Variants in ADK observed in about 807,000 individuals in gnomAD.
ADK encodes the protein adenosine kinase, also known as N6,N6-dimethyladenosine kinase.
A neutral mutation model predicts 44.7 loss-of-function variants in ADK; 24 were observed. The observed-to-expected ratio is 0.54, with a 90% CI of 0.39 to 0.76. The LOEUF is 0.76. Among genes scored for constraint, ADK ranks in the 30% least tolerant of loss-of-function variants. The pLI is 0.00. For missense variants in ADK, 321 were observed against 425.1 expected, an observed-to-expected ratio of 0.76 and a Z score of 2.15; for synonymous variants, 128 against 142.6, an observed-to-expected ratio of 0.90 and a Z score of 0.73.
chr10:74,617,649 G>A (rs1852826556), intron 9 of ADK, among the ~76,000 whole-genome samples: 1 of 152,072 alleles, frequency 6.6e-6, no homozygotes, highest in African/African-American at 2.4e-5. Context: ...AGGCTGGAGT[G>A]CAGTGGTGCT....
Position 74,280,415 on chromosome 10 carries a change from AACAC to A in ADK, c.195-34223_195-34220del, listed in dbSNP as rs71021599. Among the ~76,000 whole-genome samples the A allele has an allele frequency of 3.2e-4, 46 of 144,432 alleles. 1 individual carries two copies. The highest frequency in any genetic ancestry group is 7.0e-3 in the Middle Eastern group (2 of 286). The allele number at this position is 144,432 out of a possible 152,430, so 94.8% of individuals were successfully genotyped here. A position where few individuals can be genotyped will look rare whatever the true frequency, so the allele number is the denominator to read the frequency against. ...CCGCGCCCGGCCTTAAACAAGTTTA[AACAC>A]ACACACACACACACACACACACACA... On this transcript the variant is annotated intron_variant, in intron 3 of 10. Coordinates refer to ENST00000539909, the MANE Select transcript of ADK (RefSeq NM_006721.4).
chr10:74,155,993 C>A (rs780265655), intron 1 of ADK, among the ~76,000 whole-genome samples: 9 of 152,114 alleles, frequency 5.9e-5, no homozygotes, highest in Non-Finnish European at 1.2e-4. Flanking sequence ...AGGCTTTGGG[C>A]TATGAAGGAA....
In ADK at chr10:74,568,788, T is replaced by A. The variant is rs983775671; in HGVS notation, c.727-20494T>A. On this transcript the variant is annotated intron_variant, in intron 7 of 10. Coordinates refer to ENST00000539909, the MANE Select transcript of ADK (RefSeq NM_006721.4). ...ACTTTTTATATTTTTATCTTTTTTT[T>A]ATTATACTTTAAGTTTTAGGGTACA... Among the ~76,000 whole-genome samples, 12 of 152,276 alleles carry A rather than the reference T, an allele frequency of 7.9e-5. No homozygotes were observed. The South Asian group carries it at 1.0e-3, about 13-fold the overall frequency.
chr10:74,690,640 TATA>T (rs1465903888), intron 10 of ADK, among the ~76,000 whole-genome samples: 1 of 152,232 alleles, frequency 6.6e-6, no homozygotes, highest in Admixed American at 6.5e-5. Context: ...TTTTCCTGCT[TATA>T]ATGTCTATCT....
chr10:74,668,403 C>T lies in ADK; in HGVS notation c.878-1780C>T, dbSNP rs75525516. ...CAATTAATCAAAATCTTGTCAACTG[C>T]CATATAGGCCCTCATGTTACAAAAT... On this transcript the variant is annotated intron_variant, in intron 9 of 10. Transcript: ENST00000539909. 7.4e-3 allele frequency among the ~76,000 whole-genome samples: 1,119 copies of T among 152,182 alleles called. 9 individuals carry two copies. Among genetic ancestry groups the T allele is most frequent in the Middle Eastern group, 0.027 (8 of 294 alleles).
chr10:74,263,157 A>G (rs1304369431), intron 3 of ADK, among the ~76,000 whole-genome samples: 2 of 152,206 alleles, frequency 1.3e-5, no homozygotes, highest in East Asian at 3.8e-4. Flanking sequence ...TGATTTCCAC[A>G]TATACTGCAC....
intron 3 of ADK, among the ~76,000 whole-genome samples, chr10:74,261,517 C>T (rs1203229966): frequency 6.6e-6 from 1 of 152,158 alleles, no homozygotes; most frequent in African/African-American, 2.4e-5. Context: ...TTGTTTTGCT[C>T]AAGCACATTC....
At chr10:74,634,600 T>C (rs183746707) in intron 9 of ADK, among the ~76,000 whole-genome samples, 1 of 152,092 alleles carries the variant, frequency 6.6e-6, no homozygotes, top group African/African-American at 2.4e-5. Context: ...AGGAGCAAAC[T>C]TGAATATAGG....
At chr10:74,491,896 T>C (rs1847505017) in intron 6 of ADK, among the ~76,000 whole-genome samples, 1 of 152,190 alleles carries the variant, frequency 6.6e-6, no homozygotes, top group Admixed American at 6.6e-5. Context: ...GAATCTCAGT[T>C]CTACTACTTT....
chr10:74,344,204 G>A (rs979827278), intron 4 of ADK, among the ~76,000 whole-genome samples: 3 of 152,060 alleles, frequency 2.0e-5, no homozygotes, highest in African/African-American at 7.2e-5. Flanking sequence ...ACATGAATTG[G>A]GAGATGTCTT....
intron 7 of ADK, among the ~76,000 whole-genome samples, chr10:74,557,377 GTCTA>G (rs995605062): frequency 1.3e-5 from 2 of 152,096 alleles, no homozygotes; most frequent in African/African-American, 4.8e-5. Flanking sequence ...ATACTTCTGT[GTCTA>G]TATAATTTGC....
chr10:74,643,552 T>G (rs1487614241), intron 9 of ADK, among the ~76,000 whole-genome samples: 1 of 152,232 alleles, frequency 6.6e-6, no homozygotes, highest in Admixed American at 6.5e-5. Flanking sequence ...GATTTTATCT[T>G]TAACTCTTGC....
chr10:74,637,119 A>G (rs1294538075), intron 9 of ADK, among the ~76,000 whole-genome samples: 1 of 152,232 alleles, frequency 6.6e-6, no homozygotes, highest in Non-Finnish European at 1.5e-5. Flanking sequence ...TAAGAATTGT[A>G]TAACTTATAG....
chr10:74,452,318 A>T (rs1845806624), intron 6 of ADK, among the ~76,000 whole-genome samples: 1 of 152,008 alleles, frequency 6.6e-6, no homozygotes, highest in African/African-American at 2.4e-5. Context: ...TTATGGAATG[A>T]GGCTTTGTGG....
intron 1 of ADK, among the ~76,000 whole-genome samples, chr10:74,186,273 C>T (rs1203833524): frequency 6.6e-6 from 1 of 150,508 alleles, no homozygotes; most frequent in African/African-American, 2.4e-5. Context: ...CTTCTCCCTT[C>T]TCCCCTTTCC....
chr10:74,535,434 G>C (rs565024426), intron 7 of ADK, among the ~76,000 whole-genome samples: 1 of 152,166 alleles, frequency 6.6e-6, no homozygotes, highest in South Asian at 2.1e-4. Flanking sequence ...CTGCACTCCG[G>C]TCTGGGTAAC....
chr10:74,681,925 T>C (rs1313999328), intron 10 of ADK, among the ~76,000 whole-genome samples: 1 of 151,174 alleles, frequency 6.6e-6, no homozygotes, highest in African/African-American at 2.4e-5. Flanking sequence ...AGGTCAAGAG[T>C]CAATATCCCA....
At chr10:74,598,258 A>T (rs1851990631) in intron 8 of ADK, among the ~76,000 whole-genome samples, 2 of 152,130 alleles carry the variant, frequency 1.3e-5, no homozygotes, top group South Asian at 4.1e-4. Context: ...GGAGAAATAA[A>T]GTTTTACATA....
At chr10:74,275,058 G>A (rs1427554282) in intron 3 of ADK, among the ~76,000 whole-genome samples, 1 of 152,062 alleles carries the variant, frequency 6.6e-6, no homozygotes, top group East Asian at 1.9e-4. Flanking sequence ...AAGGTGAGAG[G>A]TGAAGCTGCA....
Sources: allele counts gnomAD v4.1 joint callset (sites outside exome capture counted in the v4.1 genomes callset), GRCh38; gene constraint gnomAD v4.1.1; transcripts MANE v1.5; gene names NCBI Gene and HGNC (gene_info 2026-07-23, HGNC 2026-07-21).